DGKI: variants seen among roughly 807,000 people sequenced by gnomAD.
DGKI encodes DAG kinase iota.
In DGKI, 55 loss-of-function variants were observed where a neutral mutation model predicts 147.5. That is an observed-to-expected ratio of 0.37 (90% CI 0.30 to 0.47). The LOEUF (loss-of-function observed/expected upper bound fraction) is 0.47, where lower values mean the gene tolerates loss of function less well. DGKI is among the 20% of genes least tolerant of loss of function. The pLI is 1.00. For synonymous variants in DGKI, 469 were observed against 477.1 expected (o/e 0.98, Z 0.22); for missense variants, 1,007 against 1,323.8 (o/e 0.76, Z 3.71).
chr7:137,779,201 T>G (rs1450658241), intron 1 of DGKI, among the ~76,000 whole-genome samples: 1 of 152,168 alleles, frequency 6.6e-6, no homozygotes, highest in Non-Finnish European at 1.5e-5. Context: ...AGTCAATTGA[T>G]TTTTGAAAAA....
chr7:137,562,118 A>C (rs1229014911), intron 19 of DGKI, among the ~76,000 whole-genome samples: 1 of 152,338 alleles, frequency 6.6e-6, no homozygotes, highest in East Asian at 1.9e-4. Flanking sequence ...ACAGGTGGGT[A>C]ACAAAGGACT....
chr7:137,412,755 T>C (rs1274690156), intron 28 of DGKI, among the ~76,000 whole-genome samples: 4 of 152,178 alleles, frequency 2.6e-5, no homozygotes, highest in Non-Finnish European at 5.9e-5. Context: ...CCTATTGCTA[T>C]GAATATTAAG....
At chr7:137,555,871 T>C (rs560199335) in intron 19 of DGKI, among the ~76,000 whole-genome samples, 1 of 152,154 alleles carries the variant, frequency 6.6e-6, no homozygotes, top group African/African-American at 2.4e-5. Context: ...TTAGAAAATA[T>C]GATGCTATAG....
At chr7:137,436,876 T>C (rs1813305145) in intron 28 of DGKI, among the ~76,000 whole-genome samples, 1 of 152,092 alleles carries the variant, frequency 6.6e-6, no homozygotes, top group African/African-American at 2.4e-5. Flanking sequence ...TGCACCATAT[T>C]AACAGACCAA....
intron 30 of DGKI, among the ~76,000 whole-genome samples, chr7:137,405,817 A>C (rs1811925372): frequency 6.6e-6 from 1 of 152,194 alleles, no homozygotes; most frequent in African/African-American, 2.4e-5. Context: ...CTGGCCTTCC[A>C]CAGCCCTCCC....
intron 15 of DGKI, among the ~76,000 whole-genome samples, chr7:137,581,520 T>C (rs1819191603): frequency 6.6e-6 from 1 of 152,164 alleles, no homozygotes; most frequent in Non-Finnish European, 1.5e-5. Context: ...CTATCACTTC[T>C]TAGTATTTTA....
intron 5 of DGKI, among the ~76,000 whole-genome samples, chr7:137,646,922 A>G (rs1210531190): frequency 6.6e-6 from 1 of 152,164 alleles, no homozygotes; most frequent in Non-Finnish European, 1.5e-5. Flanking sequence ...TATTTCTCTT[A>G]ATAATGTCAA....
intron 20 of DGKI, among the ~76,000 whole-genome samples, chr7:137,527,647 C>T (rs1443886847): frequency 6.6e-6 from 1 of 152,144 alleles, no homozygotes; most frequent in African/African-American, 2.4e-5. Flanking sequence ...CCCCTTGTAA[C>T]ACGCACTATG....
intron 1 of DGKI, among the ~76,000 whole-genome samples, chr7:137,782,252 G>A (rs74554832): frequency 0.013 from 1,977 of 152,226 alleles, 50 homozygotes; most frequent in African/African-American, 0.044. Flanking sequence ...CTGTCGTGGG[G>A]GCATGATGAG....
chr7:137,824,524 AAAAAAGAAAAAG>A (rs1266627079), intron 1 of DGKI, among the ~76,000 whole-genome samples: 1 of 122,898 alleles, frequency 8.1e-6, no homozygotes, highest in South Asian at 2.3e-4. Flanking sequence ...TCAAAAAAAA[AAAAAAGAAAAAG>A]AAAAGAAAAT....
chr7:137,487,498 C>T, intron 22 of DGKI, 112 bp downstream of exon 22: 2 of 960,620 alleles, frequency 2.1e-6, no homozygotes, highest in Non-Finnish European at 3.3e-6. Context: ...AAAGCCACCA[C>T]ATTTCCACTT....
rs866354487 is a variant in DGKI, at chr7:137,389,620, C to A, written c.*1600G>T. The stretch of plus-strand genomic sequence containing the variant: ...TCGCCAAAAGTAAAATCCTTGGACA[C>A]CTACTTTTATTTTTGACTTACCCCC... On this transcript the variant is annotated 3_prime_UTR_variant, in exon 33 of 33. Transcript: ENST00000614521. 2.0e-5 allele frequency: 3 copies of A among 152,128 alleles called. No individual in the cohort carries two copies. Among genetic ancestry groups the A allele is most frequent in the South Asian group, 2.1e-4 (1 of 4,816 alleles). 9.4% of individuals were successfully genotyped at this position (152,128 alleles called of 1,614,324 possible).
intron 4 of DGKI, among the ~76,000 whole-genome samples, chr7:137,655,965 C>T (rs1027544559): frequency 1.3e-5 from 2 of 152,230 alleles, no homozygotes; most frequent in African/African-American, 4.8e-5. Context: ...ACTTCCAGCC[C>T]CACCCACACA....
chr7:137,653,121 T>A (rs949685126), intron 5 of DGKI, among the ~76,000 whole-genome samples: 3 of 152,158 alleles, frequency 2.0e-5, no homozygotes, highest in Admixed American at 2.0e-4. Flanking sequence ...TGTGTGTGTA[T>A]GTGTGTTTGT....
At chr7:137,483,646 T>G (rs1563047052) in intron 23 of DGKI, among the ~76,000 whole-genome samples, 2 of 152,060 alleles carry the variant, frequency 1.3e-5, no homozygotes, top group Admixed American at 6.6e-5. Flanking sequence ...CCTCTCTGTG[T>G]CCATGTGTTC....
chr7:137,599,836 C>T lies in DGKI; in HGVS notation c.1237G>A (p.Gly413Arg). The T allele has an allele frequency of 1.2e-6, 2 of 1,613,816 alleles. No homozygotes were observed. The highest frequency in any genetic ancestry group is 1.7e-6 in the Non-Finnish European group (2 of 1,179,790). ...PRQVFDLSQE[G>R]PKDALELYRK... ...TTCCAGACTTACGCATCTTTTGGCCCTTCCTGAGAAAGATCAAAGACTTGC... is the reference window on the plus strand; with the variant it reads ...TTCCAGACTTACGCATCTTTTGGCCTTTCCTGAGAAAGATCAAAGACTTGC... The change falls in exon 11 of 33, where the codon GGG becomes AGG. Residue 413 changes from glycine (G) to arginine (R), a missense_variant. By Grantham distance (125) the Gly-to-Arg change is moderately radical (BLOSUM62 -2). This residue lies in a region of DGKI where 224 missense variants were observed against 382.7 expected (regional missense o/e 0.59). Transcript: ENST00000614521.
At chr7:137,561,392 A>G (rs1317760024) in intron 19 of DGKI, among the ~76,000 whole-genome samples, 1 of 152,172 alleles carries the variant, frequency 6.6e-6, no homozygotes, top group East Asian at 1.9e-4. Flanking sequence ...TAAAAAGTAG[A>G]ACAGAGGATA....
At chr7:137,487,247 G>A (rs1338270180) in intron 22 of DGKI, among the ~76,000 whole-genome samples, 1 of 152,096 alleles carries the variant, frequency 6.6e-6, no homozygotes, top group Non-Finnish European at 1.5e-5. Flanking sequence ...TCTGACATAA[G>A]TGTCAGACAC....
At chr7:137,823,535 G>GA (rs1332086859) in intron 1 of DGKI, among the ~76,000 whole-genome samples, 3 of 152,170 alleles carry the variant, frequency 2.0e-5, no homozygotes, top group African/African-American at 7.2e-5. Context: ...AGTTCCTGGG[G>GA]AAAAAACCTC....
Sources: allele counts gnomAD v4.1 joint callset (sites outside exome capture counted in the v4.1 genomes callset), GRCh38; gene constraint gnomAD v4.1.1; regional missense constraint gnomAD v4.1.1; transcripts MANE v1.5; gene names NCBI Gene and HGNC (gene_info 2026-07-23, HGNC 2026-07-21).